CALN1: variants seen among roughly 807,000 people sequenced by gnomAD.
CALN1 encodes calcium-binding protein 8.
Under a neutral mutation model 30.6 loss-of-function variants are expected in CALN1, and 17 were observed. That is an observed-to-expected ratio of 0.56 (90% confidence interval 0.38 to 0.83). CALN1 has a LOEUF of 0.83. Ranked by LOEUF, CALN1 falls within the 40% of genes least tolerant of loss-of-function variation. The pLI is 0.00. For missense variants in CALN1, 291 were observed against 354.9 expected (o/e 0.82, Z 1.45); for synonymous variants, 156 against 131.4 (o/e 1.19, Z -1.28).
intron 3 of CALN1, among the ~76,000 whole-genome samples, chr7:72,204,947 A>G (rs1471493365): frequency 3.9e-5 from 6 of 152,178 alleles, no homozygotes; most frequent in Admixed American, 2.0e-4. Context: ...AAATTCTACA[A>G]TTTTATAATC....
At chr7:71,866,953 T>C (rs1443996648) in intron 5 of CALN1, among the ~76,000 whole-genome samples, 3 of 152,130 alleles carry the variant, frequency 2.0e-5, no homozygotes, top group African/African-American at 7.2e-5. Flanking sequence ...GAGACCAGTC[T>C]GGCCAACATA....
At chr7:72,222,954 G>T (rs369572890) in intron 3 of CALN1, among the ~76,000 whole-genome samples, 3 of 152,278 alleles carry the variant, frequency 2.0e-5, no homozygotes, top group East Asian at 3.9e-4. Context: ...CCAGGAGTTA[G>T]AGGCTGCAGT....
chr7:72,026,587 GA>G (rs144556214), intron 4 of CALN1, among the ~76,000 whole-genome samples: 15 of 147,950 alleles, frequency 1.0e-4, no homozygotes, highest in East Asian at 6.0e-4. Context: ...TCTGTCTGGG[GA>G]AAAAAAAAAT....
intron 3 of CALN1, among the ~76,000 whole-genome samples, chr7:72,277,595 T>TA (rs1369398806): frequency 6.6e-6 from 1 of 152,122 alleles, no homozygotes; most frequent in East Asian, 1.9e-4. Context: ...TTCATGTAAA[T>TA]AAGCAAGCAT....
chr7:72,015,433 C>CTTTT (rs60001547), intron 5 of CALN1, among the ~76,000 whole-genome samples: 3 of 136,146 alleles, frequency 2.2e-5, no homozygotes, highest in Non-Finnish European at 3.1e-5. Flanking sequence ...TTCTTTCTTT[C>CTTTT]TTTTTTTTTT....
chr7:72,314,382 T>C (rs542534231), intron 2 of CALN1, among the ~76,000 whole-genome samples: 214 of 70,084 alleles, frequency 3.1e-3, no homozygotes, highest in African/African-American at 6.5e-3. Flanking sequence ...TACACATATA[T>C]ACACATATAT....
At chr7:71,930,280 G>A (rs1040983389) in intron 5 of CALN1, among the ~76,000 whole-genome samples, 10 of 152,198 alleles carry the variant, frequency 6.6e-5, no homozygotes, top group Non-Finnish European at 7.4e-5. Flanking sequence ...GCAGGATGGT[G>A]TGGTGACTCA....
the CALN1 span, among the ~76,000 whole-genome samples, chr7:72,482,692 C>T: frequency 6.6e-6 from 1 of 152,174 alleles, no homozygotes; most frequent in African/African-American, 2.4e-5. Context: ...TGTTATAAAT[C>T]CAATATTCCA....
At chr7:72,356,059 T>TTGTATACA (rs1267682137) in intron 2 of CALN1, among the ~76,000 whole-genome samples, 3 of 152,228 alleles carry the variant, frequency 2.0e-5, no homozygotes, top group Non-Finnish European at 1.5e-5. Flanking sequence ...TCATTACACA[T>TTGTATACA]TGTATACATG....
chr7:72,331,195 CA>C (rs1423147457), intron 2 of CALN1, among the ~76,000 whole-genome samples: 1 of 151,942 alleles, frequency 6.6e-6, no homozygotes, highest in Non-Finnish European at 1.5e-5. Context: ...ACTAAAAATA[CA>C]AAAATTAGCC....
At chr7:71,907,267 C>CACACACACACACACACACACACA (rs1380573285) in intron 5 of CALN1, among the ~76,000 whole-genome samples, 6 of 151,886 alleles carry the variant, frequency 4.0e-5, no homozygotes, top group African/African-American at 1.5e-4. Context: ...CACACACACA[C>CACACACACACACACACACACACA]AACTTAAGGA....
chr7:71,921,591 G>A (rs573640243), intron 5 of CALN1, among the ~76,000 whole-genome samples: 4 of 152,248 alleles, frequency 2.6e-5, no homozygotes, highest in East Asian at 1.9e-4. Context: ...TAAGTGAGGT[G>A]CCATAATATT....
At chr7:72,095,234 T>A (rs1462847341) in intron 4 of CALN1, among the ~76,000 whole-genome samples, 1 of 152,114 alleles carries the variant, frequency 6.6e-6, no homozygotes, top group East Asian at 1.9e-4. Flanking sequence ...TTGTGAGGAC[T>A]AAGTAAGTTA....
intron 5 of CALN1, among the ~76,000 whole-genome samples, chr7:71,867,168 A>G (rs1305083014): frequency 3.3e-5 from 5 of 151,716 alleles, no homozygotes; most frequent in Non-Finnish European, 5.9e-5. Context: ...AAGGACATTT[A>G]CAGTAGCATT....
chr7:71,936,281 G>A (rs1476168373), intron 5 of CALN1, among the ~76,000 whole-genome samples: 5 of 151,826 alleles, frequency 3.3e-5, no homozygotes, highest in East Asian at 1.9e-4. Context: ...GGTGGATCAC[G>A]AGGTCAGGAG....
intron 3 of CALN1, among the ~76,000 whole-genome samples, chr7:72,111,753 CT>C (rs34426806): frequency 0.18 from 26,034 of 144,802 alleles, 2,721 homozygotes; most frequent in East Asian, 0.28. Flanking sequence ...TTTTTTCTTT[CT>C]TTTTTTTTTT....
At chr7:71,882,779 G>T (rs1792653872) in intron 5 of CALN1, among the ~76,000 whole-genome samples, 1 of 151,638 alleles carries the variant, frequency 6.6e-6, no homozygotes, top group Admixed American at 6.6e-5. Context: ...CAACTCCTGG[G>T]CTCAAGTGAT....
chr7:72,334,904 G>C (rs995003168), intron 2 of CALN1, among the ~76,000 whole-genome samples: 3 of 152,152 alleles, frequency 2.0e-5, no homozygotes, highest in Admixed American at 2.0e-4. Flanking sequence ...TCAACAAACA[G>C]AGCCATTCCA....
At chr7:72,173,843 C>T (rs775249888) in intron 3 of CALN1, among the ~76,000 whole-genome samples, 3 of 151,568 alleles carry the variant, frequency 2.0e-5, no homozygotes, top group Non-Finnish European at 4.4e-5. Flanking sequence ...ACATTGGGAA[C>T]AAAAGACAAG....
Sources: allele counts gnomAD v4.1 joint callset (sites outside exome capture counted in the v4.1 genomes callset), GRCh38; gene constraint gnomAD v4.1.1; transcripts MANE v1.5; gene names NCBI Gene and HGNC (gene_info 2026-07-23, HGNC 2026-07-21).